The following CTNNBL1 variants were observed in gnomAD, a reference collection of about 807,000 sequenced individuals.
The protein encoded by CTNNBL1 is catenin beta like 1, also known as beta-catenin-like protein 1.
Under a neutral mutation model 72.7 loss-of-function variants are expected in CTNNBL1, and 31 were observed. That is an observed-to-expected ratio of 0.43 (90% confidence interval 0.32 to 0.58). The LOEUF (loss-of-function observed/expected upper bound fraction) is 0.58, where lower values mean the gene tolerates loss of function less well. Ranked by LOEUF, CTNNBL1 falls within the 20% of genes least tolerant of loss-of-function variation. CTNNBL1 has a pLI of 0.08. For missense variants in CTNNBL1, 534 were observed against 725.1 expected (o/e 0.74, Z 3.03); for synonymous variants, 240 against 267.3 (o/e 0.90, Z 1.00).
intron 7 of CTNNBL1, among the ~76,000 whole-genome samples, chr20:37,771,568 C>T (rs893238694): frequency 7.5e-5 from 11 of 146,962 alleles, no homozygotes; most frequent in Middle Eastern, 3.5e-3. Context: ...TTTTAGATAC[C>T]TTTTTTTTTT....
At chr20:37,832,594 C>T (rs1568801691) in intron 11 of CTNNBL1, among the ~76,000 whole-genome samples, 1 of 152,174 alleles carries the variant, frequency 6.6e-6, no homozygotes, top group Non-Finnish European at 1.5e-5. Context: ...TAAATCCCCA[C>T]ATAAGGTTAA....
Position 37,840,156 on chromosome 20 carries a change from G to A in CTNNBL1, c.1268G>A (p.Arg423Gln), listed in dbSNP as rs780394505. The A allele has an allele frequency of 1.2e-5, 19 of 1,613,770 alleles. No homozygotes were observed. Among genetic ancestry groups the A allele is most frequent in the Admixed American group, 1.7e-5 (1 of 59,984 alleles). Residue 423 changes from arginine (R) to glutamine (Q), a missense_variant, in exon 12 of 16, where the codon CGG (arginine) becomes CAG (glutamine). By Grantham distance (43) the Arg-to-Gln change is conservative. Coordinates refer to ENST00000361383, the MANE Select transcript of CTNNBL1 (RefSeq NM_030877.5). ...SLLRNLRGQQ[R>Q]TRLLNKFTEN... ...CTGCGGAACCTGAGAGGGCAGCAGCGGACCCGGCTTCTGAATAAATTCACT... is the reference window on the plus strand; with the variant it reads ...CTGCGGAACCTGAGAGGGCAGCAGCAGACCCGGCTTCTGAATAAATTCACT...
At chr20:37,746,089 T>C (rs75159931) in intron 3 of CTNNBL1, among the ~76,000 whole-genome samples, 1,645 of 152,188 alleles carry the variant, frequency 0.011, 11 homozygotes, top group Middle Eastern at 0.024. Flanking sequence ...GAAACCCTTT[T>C]TGGATGGGTA....
At chr20:37,722,521 T>G (rs1427908557) in intron 1 of CTNNBL1, among the ~76,000 whole-genome samples, 1 of 139,982 alleles carries the variant, frequency 7.1e-6, no homozygotes, top group South Asian at 2.3e-4. Flanking sequence ...AATAAATAAA[T>G]AAAGTCTGTT....
At chr20:37,746,279 A>C (rs1250419921) in intron 3 of CTNNBL1, among the ~76,000 whole-genome samples, 189 bp from the exon 4 acceptor site, 2 of 152,200 alleles carry the variant, frequency 1.3e-5, no homozygotes, top group Non-Finnish European at 2.9e-5. Flanking sequence ...TCCAAGATTG[A>C]TTTTTGTAAT....
Position 37,737,138 on chromosome 20 carries a change from C to T in CTNNBL1, c.220-240C>T, listed in dbSNP as rs554371591. 7.2e-5 allele frequency among the ~76,000 whole-genome samples: 11 copies of T among 152,158 alleles called. No individual in the cohort carries two copies. In the South Asian group the frequency reaches 1.0e-3, roughly 14 times the overall value. On this transcript the variant is annotated intron_variant, in intron 2 of 15. Coordinates refer to ENST00000361383, the MANE Select transcript of CTNNBL1 (RefSeq NM_030877.5). ...ACTCGGTAAGCTGAGGCAGGAGAAT[C>T]GCTTGAACCTGAGAGGCAGAGATTG...
At chr20:37,870,353 G>A (rs190909154) in intron 15 of CTNNBL1, among the ~76,000 whole-genome samples, 88 of 152,090 alleles carry the variant, frequency 5.8e-4, no homozygotes, top group Admixed American at 8.5e-4. Context: ...CCCAGCTGTC[G>A]AAGTTTGTGT....
chr20:37,763,273 CTGTAGTGGAT>C (rs1568769251), intron 5 of CTNNBL1, among the ~76,000 whole-genome samples: 1 of 152,200 alleles, frequency 6.6e-6, no homozygotes, highest in Non-Finnish European at 1.5e-5. Flanking sequence ...AAGGAAAACA[CTGTAGTGGAT>C]TTCTTTAGTG....
chr20:37,731,768 T>C (rs894923198), intron 1 of CTNNBL1, among the ~76,000 whole-genome samples: 1 of 152,344 alleles, frequency 6.6e-6, no homozygotes, highest in East Asian at 1.9e-4. Context: ...TTTTTAGGGC[T>C]GAGTAGAATT....
chr20:37,861,184 T>C lies in CTNNBL1; in HGVS notation c.1603+840T>C, dbSNP rs950379056. Among the ~76,000 whole-genome samples, 69 of 152,202 alleles carry C rather than the reference T, an allele frequency of 4.5e-4. 1 individual carries two copies. Among genetic ancestry groups the C allele is most frequent in the African/African-American group, 1.6e-3 (65 of 41,428 alleles). ...TTACAGGAGGTACTACAGCATCCAG[T>C]CTGTACCTGGCACACAGCGGGTGCT... On this transcript the variant is annotated intron_variant, in intron 15 of 15. Transcript: ENST00000361383.
chr20:37,708,840 A>G (rs1026386209), intron 1 of CTNNBL1, among the ~76,000 whole-genome samples: 2 of 152,110 alleles, frequency 1.3e-5, no homozygotes, highest in Admixed American at 6.6e-5. Context: ...TCACTGAACT[A>G]AGAAGGAGTT....
intron 13 of CTNNBL1, among the ~76,000 whole-genome samples, chr20:37,848,052 A>G (rs973650727): frequency 2.0e-5 from 3 of 151,944 alleles, no homozygotes; most frequent in Non-Finnish European, 2.9e-5. Flanking sequence ...TGCGGCTGCC[A>G]TCGATTCTTC....
chr20:37,847,312 G>C (rs1015979827), intron 13 of CTNNBL1, among the ~76,000 whole-genome samples: 1 of 152,100 alleles, frequency 6.6e-6, no homozygotes, highest in African/African-American at 2.4e-5. Flanking sequence ...TCCATGTCTT[G>C]GGCAGTGGCC....
intron 11 of CTNNBL1, among the ~76,000 whole-genome samples, chr20:37,836,829 T>C (rs796852461): frequency 3.7e-4 from 56 of 152,322 alleles, no homozygotes; most frequent in African/African-American, 1.2e-3. Flanking sequence ...GCCTCGGTTT[T>C]TCCATCATAC....
chr20:37,749,122 A>G (rs902139821), intron 4 of CTNNBL1, among the ~76,000 whole-genome samples: 1 of 152,062 alleles, frequency 6.6e-6, no homozygotes, highest in Non-Finnish European at 1.5e-5. Flanking sequence ...TAAGACAGGC[A>G]CTCCAGGTCT....
At chr20:37,864,508 A>G (rs4811239) in intron 15 of CTNNBL1, among the ~76,000 whole-genome samples, 126,198 of 152,034 alleles carry the variant, frequency 0.83, 52,476 homozygotes, top group Middle Eastern at 0.88. Flanking sequence ...TCCCTCCTCT[A>G]TTGGGGGTGC....
At chr20:37,791,038 A>G (rs57593862) in intron 10 of CTNNBL1, among the ~76,000 whole-genome samples, 1,941 of 152,182 alleles carry the variant, frequency 0.013, 34 homozygotes, top group African/African-American at 0.045. Context: ...GGTCTGACCT[A>G]TTTCACTCAC....
At chr20:37,829,698 C>T (rs1474251388) in intron 11 of CTNNBL1, among the ~76,000 whole-genome samples, 1 of 152,164 alleles carries the variant, frequency 6.6e-6, no homozygotes, top group Admixed American at 6.5e-5. Context: ...CCCCCCTCTT[C>T]CCTGTACCTG....
At chr20:37,848,245 C>G (rs1397674045) in intron 13 of CTNNBL1, among the ~76,000 whole-genome samples, 1 of 151,398 alleles carries the variant, frequency 6.6e-6, no homozygotes, top group Non-Finnish European at 1.5e-5. Context: ...GCCTCAAACT[C>G]CTGGGCTCAA....
Sources: gnomAD v4.1 joint callset for allele counts (sites outside exome capture counted in the v4.1 genomes callset) on GRCh38, gnomAD v4.1.1 for gene constraint, MANE v1.5 for transcripts, NCBI Gene and HGNC (gene_info 2026-07-23, HGNC 2026-07-21) for gene names.